TSHZ2: variants seen among roughly 807,000 people sequenced by gnomAD.
The protein encoded by TSHZ2 is teashirt zinc finger homeobox 2.
TSHZ2 carries 21 observed loss-of-function variants against 74.4 expected under a neutral mutation model. The ratio of observed to expected loss-of-function variants is 0.28; its 90% CI spans 0.20 to 0.41. The LOEUF (loss-of-function observed/expected upper bound fraction) is 0.41, where lower values mean the gene tolerates loss of function less well. Ranked by LOEUF, TSHZ2 falls within the 10% of genes least tolerant of loss-of-function variation. TSHZ2 has a pLI of 1.00. For synonymous variants in TSHZ2, 540 were observed against 515.3 expected, an observed-to-expected ratio of 1.05 and a Z score of -0.65; for missense variants, 1,244 against 1,293.5, an observed-to-expected ratio of 0.96 and a Z score of 0.59.
intron 2 of TSHZ2, chr20:53,398,503 C>G (rs765261010): frequency 1.1e-4 from 16 of 152,230 alleles, no homozygotes; most frequent in Non-Finnish European, 1.9e-4. Context: ...GTACTCCCAT[C>G]ATCTTGGGAG....
intron 2 of TSHZ2, among the ~76,000 whole-genome samples, chr20:53,300,391 A>G (rs1991457844): frequency 1.3e-5 from 2 of 152,120 alleles, no homozygotes; most frequent in East Asian, 1.9e-4. Flanking sequence ...TGTTCTGTTC[A>G]AGTTCCTTTT....
chr20:53,293,010 T>C (rs573942283), intron 2 of TSHZ2, among the ~76,000 whole-genome samples: 1 of 152,306 alleles, frequency 6.6e-6, no homozygotes, highest in Non-Finnish European at 1.5e-5. Context: ...AATAGTTTAA[T>C]TAGGTGGGTA....
At chr20:53,062,025 A>T (rs960466162) in intron 1 of TSHZ2, among the ~76,000 whole-genome samples, 2 of 151,832 alleles carry the variant, frequency 1.3e-5, no homozygotes, top group African/African-American at 2.4e-5. Context: ...GGCTTTCTTT[A>T]AAAAAAGTAG....
intron 2 of TSHZ2, among the ~76,000 whole-genome samples, chr20:53,395,285 C>A (rs1380283554): frequency 6.6e-6 from 1 of 152,080 alleles, no homozygotes; most frequent in African/African-American, 2.4e-5. Context: ...GAACCTGGAC[C>A]TATGGAATTA....
At chr20:53,059,506 C>A (rs577416643) in intron 1 of TSHZ2, among the ~76,000 whole-genome samples, 2 of 152,102 alleles carry the variant, frequency 1.3e-5, no homozygotes, top group African/African-American at 2.4e-5. Context: ...AAATCTGTAT[C>A]GATAACAGAG....
At chr20:53,290,996 C>G (rs1186754626) in intron 2 of TSHZ2, among the ~76,000 whole-genome samples, 1 of 152,148 alleles carries the variant, frequency 6.6e-6, no homozygotes, top group Non-Finnish European at 1.5e-5. Context: ...TATTTACTAC[C>G]TAGTCCTTTA....
chr20:53,063,887 T>C (rs1984895309), intron 1 of TSHZ2, among the ~76,000 whole-genome samples: 2 of 152,172 alleles, frequency 1.3e-5, no homozygotes, highest in African/African-American at 2.4e-5. Context: ...ATATATTGAA[T>C]AGTAGTCTGA....
intron 2 of TSHZ2, among the ~76,000 whole-genome samples, chr20:53,369,669 C>T (rs905576044): frequency 6.6e-6 from 1 of 152,088 alleles, no homozygotes; most frequent in Non-Finnish European, 1.5e-5. Context: ...GGAGATGGAA[C>T]TACTGCACCC....
intron 1 of TSHZ2, among the ~76,000 whole-genome samples, chr20:53,005,732 C>G (rs960883827): frequency 6.6e-6 from 1 of 152,182 alleles, no homozygotes; most frequent in Non-Finnish European, 1.5e-5. Flanking sequence ...TATATAGCCC[C>G]TCTCTCCAAG....
Position 53,219,201 on chromosome 20 carries a change from G to A in TSHZ2, c.41-34298G>A, listed in dbSNP as rs146999413. On this transcript the variant is annotated intron_variant, in intron 1 of 2. Coordinates refer to ENST00000371497, the MANE Select transcript of TSHZ2 (RefSeq NM_173485.6). ...TAAACACAGAGTCTATTGAAATGCT[G>A]TGAATTCCCCCATAAAAGCTGATGT... Among the ~76,000 whole-genome samples the A allele has an allele frequency of 5.3e-5, 8 of 152,262 alleles. No individual in the cohort carries two copies. In the East Asian group the frequency reaches 1.5e-3, roughly 29 times the overall value.
chr20:53,197,468 T>C (rs1988900831), intron 1 of TSHZ2, among the ~76,000 whole-genome samples: 1 of 152,224 alleles, frequency 6.6e-6, no homozygotes, highest in South Asian at 2.1e-4. Flanking sequence ...TCTGTGTCTA[T>C]TTAGCTGTTC....
chr20:53,255,079 T>C lies in TSHZ2; in HGVS notation c.1621T>C (p.Tyr541His). ...AQNGAPSWSA[Y>H]PSIHAAYQLS... ...AAACGGGGCCCCCAGCTGGAGTGCC[T>C]ACCCCAGCATCCACGCAGCCTACCA... Residue 541 changes from tyrosine to histidine, a missense_variant, in exon 2 of 3, where the codon TAC becomes CAC. By Grantham distance (83) the Tyr-to-His change is moderately conservative. Around this residue, in one of 6 missense-constraint regions of TSHZ2, gnomAD observed 562 missense variants for 544.0 expected, o/e 1.03. Coordinates refer to ENST00000371497, the MANE Select transcript of TSHZ2 (RefSeq NM_173485.6). This position sits in a 1 kb window ranked among gnomAD's most constrained non-coding sequence, Gnocchi z 4.1. The C allele has an allele frequency of 2.5e-6, 4 of 1,614,098 alleles. No individual in the cohort carries two copies. Among genetic ancestry groups the C allele is most frequent in the Non-Finnish European group, 3.4e-6 (4 of 1,180,020 alleles).
At chr20:53,334,173 G>C (rs1243503499) in intron 2 of TSHZ2, among the ~76,000 whole-genome samples, 1 of 152,140 alleles carries the variant, frequency 6.6e-6, no homozygotes, top group Non-Finnish European at 1.5e-5. Flanking sequence ...CTAAGGGTAA[G>C]ACACAGATAA....
chr20:53,131,830 CCCCCA>C (rs1170333189), intron 1 of TSHZ2, among the ~76,000 whole-genome samples: 22 of 115,304 alleles, frequency 1.9e-4, no homozygotes, highest in African/African-American at 3.8e-4. Context: ...CCCCCCCCCC[CCCCCA>C]AAAAAAAAAA....
chr20:53,471,143 T>G (rs550903993), intron 2 of TSHZ2, among the ~76,000 whole-genome samples: 2 of 152,322 alleles, frequency 1.3e-5, no homozygotes, highest in South Asian at 4.1e-4. Flanking sequence ...CTTGGGCTAT[T>G]TTTCCAGTCT....
chr20:53,180,073 T>C (rs956346934), intron 1 of TSHZ2, among the ~76,000 whole-genome samples: 1 of 152,212 alleles, frequency 6.6e-6, no homozygotes, highest in African/African-American at 2.4e-5. Flanking sequence ...TTGGAAATGA[T>C]TGGAGGAGGT....
chr20:53,337,978 T>C (rs1342140980), intron 2 of TSHZ2, among the ~76,000 whole-genome samples: 1 of 152,192 alleles, frequency 6.6e-6, no homozygotes, highest in Non-Finnish European at 1.5e-5. Flanking sequence ...AGCTATGTTG[T>C]CCATGTCCCT....
At position 53,353,974 on chromosome 20, in the gene TSHZ2, C is replaced by T. The variant is rs541907052; in HGVS notation, c.*8+97403C>T. On this transcript the variant is annotated intron_variant, in intron 2 of 2. Coordinates refer to ENST00000371497, the MANE Select transcript of TSHZ2 (RefSeq NM_173485.6). Reference sequence around the variant, plus strand: ...GCTAAAACCAAGACAATATCAGGCACATTGGGACAGTTGGTCACCCTATCA... The same window carrying T: ...GCTAAAACCAAGACAATATCAGGCATATTGGGACAGTTGGTCACCCTATCA... Among the ~76,000 whole-genome samples the T allele has an allele frequency of 1.4e-4, 22 of 152,306 alleles. No individual in the cohort carries two copies. The South Asian group carries it at 2.9e-3, about 20-fold the overall frequency.
chr20:53,148,469 T>C (rs1478203235), intron 1 of TSHZ2, among the ~76,000 whole-genome samples: 1 of 152,182 alleles, frequency 6.6e-6, no homozygotes, highest in Non-Finnish European at 1.5e-5. Context: ...GAATTTTGCT[T>C]TCTATTTCTT....
Sources: gnomAD v4.1 joint callset for allele counts (sites outside exome capture counted in the v4.1 genomes callset) on GRCh38, gnomAD v4.1.1 for gene constraint, gnomAD v4.1.1 regional missense constraint, Gnocchi (gnomAD v3.1) non-coding constraint, MANE v1.5 for transcripts, NCBI Gene and HGNC (gene_info 2026-07-23, HGNC 2026-07-21) for gene names.